SH3BGRL2: variants seen among roughly 807,000 people sequenced by gnomAD.
SH3BGRL2 encodes SH3 domain binding glutamate rich protein like 2, also known as SH3 domain-binding glutamic acid-rich-like protein 2.
In SH3BGRL2, 21 loss-of-function variants were observed where a neutral mutation model predicts 14.8. The ratio of observed to expected loss-of-function variants is 1.42; its 90% confidence interval spans 1.01 to 2.05. The LOEUF is 2.05. SH3BGRL2 is among the 30% of genes most tolerant of loss of function. The pLI is 0.00. For missense variants in SH3BGRL2, 147 were observed against 130.8 expected (o/e 1.12, Z -0.61); for synonymous variants, 50 against 47.8 (o/e 1.05, Z -0.19).
chr6:79,672,935 C>T (rs1474668879), intron 1 of SH3BGRL2, among the ~76,000 whole-genome samples: 1 of 152,122 alleles, frequency 6.6e-6, no homozygotes, highest in Non-Finnish European at 1.5e-5. Flanking sequence ...AAGTGGAGAA[C>T]ATTTTTCTCC....
chr6:79,598,798 C>A, the SH3BGRL2 span, among the ~76,000 whole-genome samples: 1 of 152,210 alleles, frequency 6.6e-6, no homozygotes, highest in Non-Finnish European at 1.5e-5. Context: ...AGTGCTCAAC[C>A]TCGGCTGGGC....
chr6:79,672,737 A>G (rs1317296410), intron 1 of SH3BGRL2, among the ~76,000 whole-genome samples: 1 of 152,154 alleles, frequency 6.6e-6, no homozygotes, highest in East Asian at 1.9e-4. Flanking sequence ...CATCTCAATT[A>G]GTATGTACTC....
chr6:79,586,978 T>C, the SH3BGRL2 span, among the ~76,000 whole-genome samples: 1 of 152,204 alleles, frequency 6.6e-6, no homozygotes, highest in Non-Finnish European at 1.5e-5. Flanking sequence ...AAATGTTACT[T>C]TAATCTGACT....
chr6:79,584,826 T>A, the SH3BGRL2 span, among the ~76,000 whole-genome samples: 2 of 152,186 alleles, frequency 1.3e-5, no homozygotes, highest in Admixed American at 6.5e-5. Flanking sequence ...TTTAAGATAG[T>A]TTAGCAGAAT....
chr6:79,618,228 G>A, the SH3BGRL2 span, among the ~76,000 whole-genome samples: 1 of 152,150 alleles, frequency 6.6e-6, no homozygotes, highest in Admixed American at 6.5e-5. Context: ...ACTTTCAAGG[G>A]TGGCAAATTA....
intron 1 of SH3BGRL2, among the ~76,000 whole-genome samples, chr6:79,639,444 C>T (rs764128829): frequency 4.6e-5 from 7 of 151,956 alleles, no homozygotes; most frequent in African/African-American, 7.2e-5. Context: ...TAAAAATTAG[C>T]GGGGCATGGT....
chr6:79,642,824 G>T (rs151185551), intron 1 of SH3BGRL2, among the ~76,000 whole-genome samples: 47 of 152,284 alleles, frequency 3.1e-4, no homozygotes, highest in African/African-American at 1.1e-3. Context: ...GAAGGGCCAG[G>T]ATTTCTGTGT....
chr6:79,635,545 G>A (rs1473125681), intron 1 of SH3BGRL2, among the ~76,000 whole-genome samples: 1 of 152,248 alleles, frequency 6.6e-6, no homozygotes, highest in Admixed American at 6.5e-5. Flanking sequence ...TGCCCTCATG[G>A]CATAAATCAG....
At position 79,701,592 on chromosome 6, in the gene SH3BGRL2, TC is replaced by T. The variant is rs1770457122; in HGVS notation, c.*2087del. On this transcript the variant is annotated 3_prime_UTR_variant, in exon 4 of 4. Coordinates refer to ENST00000369838, the MANE Select transcript of SH3BGRL2 (RefSeq NM_031469.4). ...ATTACCATCACAGTTATGTGCCATC[TC>T]CCCACCCCATTTTTTTTTTTTTTTT... 2 of 137,774 alleles carry T rather than the reference TC, an allele frequency of 1.5e-5. No homozygotes were observed. The highest frequency in any genetic ancestry group is 5.4e-5 in the African/African-American group (2 of 37,122). 8.5% of individuals were successfully genotyped at this position (137,774 alleles called of 1,614,324 possible).
intron 2 of SH3BGRL2, among the ~76,000 whole-genome samples, chr6:79,694,495 C>T (rs1770290696): frequency 6.6e-6 from 1 of 152,248 alleles, no homozygotes; most frequent in Non-Finnish European, 1.5e-5. Flanking sequence ...GTTTTTGTGG[C>T]ATAGTTAGGA....
chr6:79,586,401 AATT>A, the SH3BGRL2 span, among the ~76,000 whole-genome samples: 2 of 151,968 alleles, frequency 1.3e-5, no homozygotes, highest in Non-Finnish European at 2.9e-5. Context: ...TTATTTTGAA[AATT>A]ATTATCTTTA....
chr6:79,561,696 T>G, the SH3BGRL2 span: 1 of 152,260 alleles, frequency 6.6e-6, no homozygotes. Context: ...TACGCTGCCA[T>G]GAAATTGCCC....
the SH3BGRL2 span, among the ~76,000 whole-genome samples, chr6:79,617,952 T>C: frequency 6.6e-6 from 1 of 152,224 alleles, no homozygotes; most frequent in Non-Finnish European, 1.5e-5. Context: ...CAGCCAGCAA[T>C]TGGTAAATAA....
chr6:79,644,091 G>A (rs1227839202), intron 1 of SH3BGRL2, among the ~76,000 whole-genome samples: 1 of 152,148 alleles, frequency 6.6e-6, no homozygotes, highest in African/African-American at 2.4e-5. Flanking sequence ...CAGATCCATG[G>A]GGACAAATGG....
At chr6:79,661,808 G>T (rs1215710528) in intron 1 of SH3BGRL2, among the ~76,000 whole-genome samples, 3 of 151,974 alleles carry the variant, frequency 2.0e-5, no homozygotes, top group African/African-American at 7.3e-5. Flanking sequence ...TATGAATCTG[G>T]GTGCTCCTGT....
At chr6:79,657,629 T>C (rs1487781992) in intron 1 of SH3BGRL2, among the ~76,000 whole-genome samples, 1 of 152,096 alleles carries the variant, frequency 6.6e-6, no homozygotes, top group African/African-American at 2.4e-5. Context: ...TTAATTTTTT[T>C]TTTTGAGGCG....
At chr6:79,643,654 A>G (rs1769073794) in intron 1 of SH3BGRL2, among the ~76,000 whole-genome samples, 1 of 152,196 alleles carries the variant, frequency 6.6e-6, no homozygotes. Context: ...GTAACTTGGT[A>G]TAGTAGCTAT....
chr6:79,682,734 G>A (rs1770012151), intron 2 of SH3BGRL2, among the ~76,000 whole-genome samples: 1 of 152,086 alleles, frequency 6.6e-6, no homozygotes, highest in African/African-American at 2.4e-5. Flanking sequence ...ACAAACACTG[G>A]TACTGTAAAG....
chr6:79,595,402 G>A, the SH3BGRL2 span, among the ~76,000 whole-genome samples: 1 of 152,050 alleles, frequency 6.6e-6, no homozygotes, highest in African/African-American at 2.4e-5. Context: ...AAAGATATTC[G>A]GCTATATTAA....
Sources: allele counts gnomAD v4.1 joint callset (sites outside exome capture counted in the v4.1 genomes callset), GRCh38; gene constraint gnomAD v4.1.1; transcripts MANE v1.5; gene names NCBI Gene and HGNC (gene_info 2026-07-23, HGNC 2026-07-21).